Variants in KLC1 observed in about 807,000 individuals in gnomAD.
KLC1 encodes kinesin light chain 1.
Under a neutral mutation model 84.2 loss-of-function variants are expected in KLC1, and 30 were observed. That is an observed-to-expected ratio of 0.36 (90% CI 0.27 to 0.48). KLC1 has a LOEUF of 0.48. KLC1 is among the 20% of genes least tolerant of loss of function. The pLI is 0.99. For synonymous variants in KLC1, 289 were observed against 293.3 expected (o/e 0.99, Z 0.15); for missense variants, 499 against 805.4 (o/e 0.62, Z 4.60).
chr14:103,657,080 G>A (rs986265313), intron 2 of KLC1, among the ~76,000 whole-genome samples: 1 of 152,022 alleles, frequency 6.6e-6, no homozygotes, highest in East Asian at 1.9e-4. Flanking sequence ...CTCTCACCTT[G>A]GAACATCAAG....
chr14:103,683,210 C>T (rs2081508422), intron 13 of KLC1: 3 of 152,240 alleles, frequency 2.0e-5, no homozygotes, highest in Non-Finnish European at 2.9e-5. Context: ...GTGACAGACC[C>T]TGGTAATGTG....
chr14:103,660,247 G>A (rs1289371123), intron 3 of KLC1, among the ~76,000 whole-genome samples: 2 of 152,152 alleles, frequency 1.3e-5, no homozygotes, highest in African/African-American at 4.8e-5. Context: ...TAGGGAGGCC[G>A]AGGCAGGCAG....
intron 15 of KLC1, chr14:103,697,191 A>C: frequency 1.1e-6 from 1 of 905,410 alleles, no homozygotes; most frequent in Non-Finnish European, 1.3e-6. Flanking sequence ...TTTTGTAAAA[A>C]TCCAACCCCA....
chr14:103,699,902 G>T (rs2082991639), intron 15 of KLC1: 3 of 396,720 alleles, frequency 7.6e-6, no homozygotes, highest in South Asian at 2.2e-5. Context: ...CCTTGCGGGG[G>T]TCTGCTCTCC....
At chr14:103,699,445 C>T in intron 15 of KLC1, 1 of 1,612,926 alleles carries the variant, frequency 6.2e-7, no homozygotes, top group Non-Finnish European at 8.5e-7. Context: ...GATGCCTGGC[C>T]CTGGGGGCGG....
intron 1 of KLC1, among the ~76,000 whole-genome samples, chr14:103,643,348 G>A (rs752466383): frequency 6.6e-6 from 1 of 152,186 alleles, no homozygotes; most frequent in Non-Finnish European, 1.5e-5. Flanking sequence ...AGGTGGTGGT[G>A]ATAATCTTAC....
intron 1 of KLC1, among the ~76,000 whole-genome samples, chr14:103,641,118 T>C (rs137880975): frequency 0.016 from 2,471 of 152,120 alleles, 65 homozygotes; most frequent in African/African-American, 0.056. Flanking sequence ...AGAGATGGGG[T>C]TTTGCCATGT....
intron 13 of KLC1, chr14:103,682,697 AAAG>A (rs1017748382): frequency 5.9e-5 from 9 of 152,088 alleles, no homozygotes; most frequent in African/African-American, 2.2e-4. Flanking sequence ...AAAAAAGAAA[AAAG>A]AAAAAACAAC....
chr14:103,644,677 T>C (rs1366611225), intron 1 of KLC1, among the ~76,000 whole-genome samples: 1 of 152,136 alleles, frequency 6.6e-6, no homozygotes, highest in Admixed American at 6.6e-5. Flanking sequence ...GAGGATCACT[T>C]GAGCCCAGGA....
chr14:103,694,178 C>A lies in KLC1; in HGVS notation c.1848+1753C>A. 1 of 985,858 alleles carries A rather than the reference C, an allele frequency of 1.0e-6. No individual in the cohort carries two copies. The highest frequency in any genetic ancestry group is 1.2e-6 in the Non-Finnish European group (1 of 830,244). The allele number at this position is 985,858 out of a possible 1,614,324, so 61.1% of individuals were successfully genotyped here. ...GGTCCCCATGCCTGTGGCCCTGGGG[C>A]CCCATGCCCCCTTTTGAGCTGTGTT... On this transcript the variant is annotated intron_variant, in intron 15 of 16. Transcript: ENST00000334553. This position sits in a 1 kb window ranked among gnomAD's most constrained non-coding sequence, Gnocchi z 4.5.
chr14:103,697,275 A>G (rs542896434), intron 15 of KLC1: 1 of 290,200 alleles, frequency 3.4e-6, no homozygotes, highest in East Asian at 1.7e-4. Flanking sequence ...AACATGATGA[A>G]GGTTTAAACG....
intron 3 of KLC1, among the ~76,000 whole-genome samples, chr14:103,658,808 C>T (rs1013757176): frequency 4.0e-5 from 6 of 151,024 alleles, no homozygotes; most frequent in African/African-American, 7.3e-5. Context: ...CAGGTGTGTG[C>T]CACCACGCCT....
chr14:103,662,428 G>C (rs1311321641), intron 4 of KLC1, among the ~76,000 whole-genome samples: 1 of 152,138 alleles, frequency 6.6e-6, no homozygotes, highest in African/African-American at 2.4e-5. Flanking sequence ...GTGGTCTGCA[G>C]ATTCTTACAG....
At chr14:103,630,029 T>G (rs2076554810) in intron 1 of KLC1, among the ~76,000 whole-genome samples, 1 of 152,082 alleles carries the variant, frequency 6.6e-6, no homozygotes, top group Non-Finnish European at 1.5e-5. Context: ...GACGCGCCTG[T>G]CATTCTCGCG....
At position 103,643,546 on chromosome 14, in the gene KLC1, C is replaced by T. The variant is rs141918282; in HGVS notation, c.-1-11018C>T. ...CCCGTGACACAGCCCTCAGGAAGTC[C>T]TGAGAACATGTGCCCAAGGTGGTCG... On this transcript the variant is annotated intron_variant, in intron 1 of 16. Coordinates refer to ENST00000334553, the MANE Select transcript of KLC1 (RefSeq NM_001394837.1). Among the ~76,000 whole-genome samples the T allele has an allele frequency of 2.6e-4, 40 of 152,340 alleles. 1 individual carries two copies. The highest frequency in any genetic ancestry group is 7.9e-4 in the African/African-American group (33 of 41,592).
At chr14:103,699,239 C>T in intron 15 of KLC1, 1 of 1,541,456 alleles carries the variant, frequency 6.5e-7, no homozygotes, top group Non-Finnish European at 8.7e-7. Context: ...TGGTTAGGCA[C>T]AGGCTGCTAC....
rs762539555 is a variant in KLC1 at position 103,670,295 on chromosome 14, G to A, written c.987+12G>A. On this transcript the variant is annotated intron_variant, in intron 7 of 16. Transcript: ENST00000334553. ...AAATCCGAGAAAAGGTACAAAAGAA[G>A]GGGGCAGTCGTTTTCTTTGAGATTT... 3.8e-6 allele frequency: 6 copies of A among 1,587,996 alleles called. No homozygotes were observed. In the Admixed American group the frequency reaches 7.0e-5, roughly 19 times the overall value.
chr14:103,673,690 G>A (rs1347738940), intron 9 of KLC1, among the ~76,000 whole-genome samples: 3 of 152,130 alleles, frequency 2.0e-5, no homozygotes, highest in Non-Finnish European at 4.4e-5. Context: ...TTGGGAGGCC[G>A]AGGTGGGTGG....
At chr14:103,698,457 GGA>G (rs1446757626) in intron 15 of KLC1, 1 of 369,678 alleles carries the variant, frequency 2.7e-6, no homozygotes, top group Non-Finnish European at 5.2e-6. Context: ...GCTTCCATGT[GGA>G]GAGAAGAAGC....
Sources: allele counts gnomAD v4.1 joint callset (sites outside exome capture counted in the v4.1 genomes callset), GRCh38; gene constraint gnomAD v4.1.1; non-coding constraint Gnocchi (gnomAD v3.1); transcripts MANE v1.5; gene names NCBI Gene and HGNC (gene_info 2026-07-23, HGNC 2026-07-21).